FABP6: variants seen among roughly 807,000 people sequenced by gnomAD.
The protein encoded by FABP6 is gastrotropin.
Under a neutral mutation model 14.9 loss-of-function variants are expected in FABP6, and 13 were observed. That is an observed-to-expected ratio of 0.87 (90% CI 0.57 to 1.39). The LOEUF (loss-of-function observed/expected upper bound fraction) is 1.39. Ranked by LOEUF, FABP6 falls within the 40% of genes most tolerant of loss-of-function variation. The pLI, the probability that FABP6 is intolerant of heterozygous loss-of-function variation, is 0.00. For missense variants in FABP6, 161 were observed against 167.2 expected, an observed-to-expected ratio of 0.96 and a Z score of 0.20; for synonymous variants, 75 against 63.6, an observed-to-expected ratio of 1.18 and a Z score of -0.85.
chr5:160,212,377 A>G (rs1040458448), intron 2 of FABP6, among the ~76,000 whole-genome samples: 1 of 151,944 alleles, frequency 6.6e-6, no homozygotes, highest in Admixed American at 6.6e-5. Flanking sequence ...GTTGGTCTCC[A>G]TCTCCTGACC....
chr5:160,211,758 T>A (rs539490757), intron 2 of FABP6, among the ~76,000 whole-genome samples: 2 of 152,174 alleles, frequency 1.3e-5, no homozygotes, highest in African/African-American at 2.4e-5. Context: ...TTTTGGTTTG[T>A]CACCAAGAGT....
Position 160,232,092 on chromosome 5 carries a change from G to A in FABP6, c.68-6G>A, listed in dbSNP as rs200580307. 1.9e-5 allele frequency: 30 copies of A among 1,613,748 alleles called. 1 individual carries two copies. In the African/African-American group the frequency reaches 2.8e-4, roughly 15 times the overall value. On this transcript the variant is annotated splice_polypyrimidine_tract_variant and splice_region_variant and intron_variant, in intron 1 of 3. Transcript: ENST00000402432. Reference sequence around the variant, plus strand: ...ATATGGCTACTCTGCTTGTCCCCGGGTCCAGGGATCTCCAGCGATGTAATC... The same window carrying A: ...ATATGGCTACTCTGCTTGTCCCCGGATCCAGGGATCTCCAGCGATGTAATC...
chr5:160,214,008 T>C (rs1310386822), intron 3 of FABP6, among the ~76,000 whole-genome samples: 1 of 152,250 alleles, frequency 6.6e-6, no homozygotes, highest in African/African-American at 2.4e-5. Context: ...TCAGCAGTTA[T>C]ACATGCTGAT....
chr5:160,187,821 C>T (rs9313836), intron 1 of FABP6, among the ~76,000 whole-genome samples: 47,230 of 151,878 alleles, frequency 0.31, 7,450 homozygotes, highest in East Asian at 0.44. Flanking sequence ...GGCGCTATCT[C>T]GGCTAACCAC....
chr5:160,236,641 G>C (rs376352090), intron 3 of FABP6, among the ~76,000 whole-genome samples: 1 of 151,926 alleles, frequency 6.6e-6, no homozygotes, highest in Admixed American at 6.6e-5. Context: ...CCAGGCCCAC[G>C]GGTCTTTTTA....
rs60061736 is a variant in FABP6 at position 160,201,190 on chromosome 5, T to TAA, written c.51+2042_51+2043dup. On this transcript the variant is annotated intron_variant, in intron 2 of 6. Coordinates refer to the FABP6 transcript ENST00000393980. The stretch of plus-strand genomic sequence containing the variant: ...TGGCAACATGGCAAAACTCCATCTC[T>TAA]AAAAAAAAAATACACAAATTAGCAG... Among the ~76,000 whole-genome samples, 5 of 147,930 alleles carry TAA rather than the reference T, an allele frequency of 3.4e-5. No individual in the cohort carries two copies. In the East Asian group the frequency reaches 7.9e-4, roughly 23 times the overall value.
chr5:160,234,380 CTTT>C (rs35775372), intron 2 of FABP6, among the ~76,000 whole-genome samples: 9,131 of 84,148 alleles, frequency 0.11, 517 homozygotes, highest in East Asian at 0.3. Context: ...AGAAATCTGA[CTTT>C]TTTTTTTTTT....
intron 3 of FABP6, among the ~76,000 whole-genome samples, chr5:160,214,753 C>T (rs946044157): frequency 1.3e-5 from 2 of 150,956 alleles, no homozygotes; most frequent in East Asian, 2.0e-4. Flanking sequence ...CAGGAGTTCA[C>T]GACCAGCATG....
intron 3 of FABP6, among the ~76,000 whole-genome samples, chr5:160,217,516 C>T (rs972924494): frequency 6.6e-6 from 1 of 152,172 alleles, no homozygotes; most frequent in African/African-American, 2.4e-5. Flanking sequence ...CCTGCCCCAA[C>T]AGTTACTTAA....
At chr5:160,223,480 T>C (rs1760177324) in intron 3 of FABP6, among the ~76,000 whole-genome samples, 1 of 151,370 alleles carries the variant, frequency 6.6e-6, no homozygotes, top group African/African-American at 2.4e-5. Context: ...TGGAGTGCAG[T>C]GGCACAATCT....
At chr5:160,232,295 C>A (rs1760407382) in intron 2 of FABP6, 22 bp downstream of exon 2, 2 of 1,567,998 alleles carry the variant, frequency 1.3e-6, no homozygotes, top group Middle Eastern at 1.8e-4. Flanking sequence ...CTGGCTGTCC[C>A]CCTCCTTCCC....
upstream of FABP6, among the ~76,000 whole-genome samples, chr5:160,226,285 G>A (rs981875296): frequency 4.6e-5 from 7 of 151,904 alleles, no homozygotes; most frequent in African/African-American, 1.2e-4. Flanking sequence ...AATATAGGCC[G>A]AGCGCGGTGG....
At chr5:160,193,251 G>A (rs572875557) in intron 1 of FABP6, among the ~76,000 whole-genome samples, 41 of 152,014 alleles carry the variant, frequency 2.7e-4, no homozygotes, top group Admixed American at 1.2e-3. Flanking sequence ...TGAGTGTTGC[G>A]GCACGTCTGG....
intron 1 of FABP6, chr5:160,198,384 A>G (rs74932657): frequency 0.083 from 12,574 of 151,838 alleles, 758 homozygotes; most frequent in East Asian, 0.36. Flanking sequence ...GGCTCCTCCC[A>G]CTCGCCCCAT....
intron 1 of FABP6, among the ~76,000 whole-genome samples, chr5:160,187,993 C>T (rs1759321181): frequency 1.3e-5 from 2 of 152,094 alleles, no homozygotes; most frequent in Admixed American, 1.3e-4. Flanking sequence ...TTCAGGTGAT[C>T]CACCCGCCTC....
At chr5:160,199,147 C>A in exon 2 of FABP6, 3 of 1,614,140 alleles carry the variant, frequency 1.9e-6, no homozygotes, top group Non-Finnish European at 2.5e-6. Flanking sequence ...GAGATGCAGG[C>A]GCTGACTCAG....
chr5:160,192,468 G>C (rs1040903796), intron 1 of FABP6, among the ~76,000 whole-genome samples: 4 of 152,244 alleles, frequency 2.6e-5, no homozygotes, highest in Non-Finnish European at 2.9e-5. Flanking sequence ...TCTCCACTAA[G>C]TCCCCAGGCT....
At chr5:160,227,364 G>A (rs1028911287), upstream of FABP6, among the ~76,000 whole-genome samples, 27 of 151,870 alleles carry the variant, frequency 1.8e-4, no homozygotes, top group Admixed American at 1.7e-3. Context: ...GTGAAACCTT[G>A]TCTCTACTAA....
At chr5:160,232,756 A>G (rs1355059060) in intron 2 of FABP6, among the ~76,000 whole-genome samples, 1 of 151,748 alleles carries the variant, frequency 6.6e-6, no homozygotes, top group African/African-American at 2.4e-5. Context: ...AATTAGCTGG[A>G]CATAGTGGTG....
Sources: gnomAD v4.1 joint callset for allele counts (sites outside exome capture counted in the v4.1 genomes callset) on GRCh38, gnomAD v4.1.1 for gene constraint, MANE v1.5 for transcripts, NCBI Gene and HGNC (gene_info 2026-07-23, HGNC 2026-07-21) for gene names.